CSMD3: variants seen among roughly 807,000 people sequenced by gnomAD.
CSMD3 encodes the protein CUB and Sushi multiple domains 3.
A neutral mutation model predicts 435.2 loss-of-function variants in CSMD3; 177 were observed. That is an observed-to-expected ratio of 0.41 (90% CI 0.36 to 0.46). The LOEUF is 0.46. Among genes scored for constraint, CSMD3 ranks in the 20% least tolerant of loss-of-function variants. CSMD3 has a pLI of 0.34. For synonymous variants in CSMD3, 1,656 were observed against 1,520.5 expected, an observed-to-expected ratio of 1.09 and a Z score of -2.07; for missense variants, 4,265 against 4,504.6, an observed-to-expected ratio of 0.95 and a Z score of 1.52.
intron 13 of CSMD3, among the ~76,000 whole-genome samples, chr8:112,760,383 C>T (rs773773084): frequency 4.6e-5 from 7 of 152,086 alleles, no homozygotes; most frequent in Non-Finnish European, 1.0e-4. Context: ...TTTGTTGGGA[C>T]AACGTAAAAT....
At chr8:112,574,252 A>G (rs905353760) in intron 23 of CSMD3, among the ~76,000 whole-genome samples, 3 of 152,032 alleles carry the variant, frequency 2.0e-5, no homozygotes, top group African/African-American at 7.2e-5. Flanking sequence ...TGAAAGTATA[A>G]CTGCTTATTG....
intron 1 of CSMD3, among the ~76,000 whole-genome samples, chr8:113,418,995 G>A: frequency 6.6e-6 from 1 of 152,120 alleles, no homozygotes; most frequent in East Asian, 1.9e-4. Context: ...CAAGAGATTT[G>A]GGGCCATCGT....
At chr8:113,087,169 C>T (rs751699389) in intron 5 of CSMD3, among the ~76,000 whole-genome samples, 3 of 152,074 alleles carry the variant, frequency 2.0e-5, no homozygotes, top group African/African-American at 4.8e-5. Flanking sequence ...CTAAAGGACC[C>T]ACCACAAACC....
chr8:112,500,656 T>C (rs12155770), intron 30 of CSMD3, among the ~76,000 whole-genome samples: 2,099 of 152,310 alleles, frequency 0.014, 23 homozygotes, highest in Admixed American at 0.021. Context: ...GTTTTCCTTT[T>C]AATGAAAAGG....
chr8:113,291,293 T>C (rs766866502), intron 2 of CSMD3, among the ~76,000 whole-genome samples: 53 of 151,932 alleles, frequency 3.5e-4, no homozygotes, highest in Non-Finnish European at 6.6e-4. Context: ...TGTCAGCTAA[T>C]ATTATGGCAT....
rs1587880944 is a variant in CSMD3 at position 113,011,188 on chromosome 8, A to G, written c.1030+7879T>C. Among the ~76,000 whole-genome samples, 3 of 151,944 alleles carry G rather than the reference A, an allele frequency of 2.0e-5. No individual in the cohort carries two copies. In the South Asian group the frequency reaches 6.2e-4, roughly 31 times the overall value. On this transcript the variant is annotated intron_variant, in intron 6 of 70. Transcript: ENST00000297405. The stretch of plus-strand genomic sequence containing the variant: ...AAAGGAAATAATCAACATGACTCCT[A>G]AAATTATACTTTATTTCTAAAACCT...
intron 13 of CSMD3, among the ~76,000 whole-genome samples, chr8:112,745,284 T>A (rs906828445): frequency 2.0e-5 from 3 of 152,052 alleles, no homozygotes; most frequent in Non-Finnish European, 2.9e-5. Context: ...CTTGTGTAGT[T>A]CCTAGGTTTT....
intron 1 of CSMD3, among the ~76,000 whole-genome samples, chr8:113,358,884 A>T (rs921445650): frequency 1.3e-5 from 2 of 152,092 alleles, no homozygotes; most frequent in Non-Finnish European, 1.5e-5. Flanking sequence ...ATAGCAAAAT[A>T]AAAAGGCTAT....
intron 12 of CSMD3, among the ~76,000 whole-genome samples, chr8:112,823,432 T>G (rs951974664): frequency 3.3e-5 from 5 of 152,234 alleles, no homozygotes; most frequent in Non-Finnish European, 7.3e-5. Flanking sequence ...ATTTGAGATC[T>G]TTGTAGCTTT....
chr8:113,387,178 G>T (rs563291901), intron 1 of CSMD3, among the ~76,000 whole-genome samples: 27 of 151,840 alleles, frequency 1.8e-4, no homozygotes, highest in African/African-American at 6.3e-4. Flanking sequence ...TGGTTTCATT[G>T]TTAAGGATCC....
chr8:113,263,514 CATT>C (rs2093443673), intron 3 of CSMD3, among the ~76,000 whole-genome samples: 1 of 151,806 alleles, frequency 6.6e-6, no homozygotes, highest in African/African-American at 2.4e-5. Flanking sequence ...AATTTTACAT[CATT>C]GATTTCCCAT....
At chr8:112,415,902 C>T (rs1351093485) in intron 32 of CSMD3, among the ~76,000 whole-genome samples, 1 of 152,160 alleles carries the variant, frequency 6.6e-6, no homozygotes, top group African/African-American at 2.4e-5. Context: ...TTGCCAAATG[C>T]CTGTACCCCC....
At chr8:113,112,508 A>G (rs1481954171) in intron 4 of CSMD3, among the ~76,000 whole-genome samples, 3 of 140,978 alleles carry the variant, frequency 2.1e-5, no homozygotes, top group Non-Finnish European at 4.6e-5. Context: ...CACACTTGTG[A>G]GTGTCCTCAG....
intron 1 of CSMD3, among the ~76,000 whole-genome samples, chr8:113,387,111 T>C (rs868851629): frequency 2.0e-5 from 3 of 151,852 alleles, no homozygotes; most frequent in African/African-American, 4.8e-5. Flanking sequence ...AATGAAATGA[T>C]GGTTTAGATT....
chr8:112,384,545 T>A (rs1172942485), intron 36 of CSMD3, among the ~76,000 whole-genome samples: 2 of 152,226 alleles, frequency 1.3e-5, no homozygotes, highest in African/African-American at 4.8e-5. Flanking sequence ...AGGAAAGGAA[T>A]AACTTTATTA....
chr8:112,517,302 A>G (rs1433944807), intron 27 of CSMD3, 77 bp from the exon 28 acceptor site: 3 of 1,079,980 alleles, frequency 2.8e-6, no homozygotes, highest in Non-Finnish European at 4.1e-6. Context: ...GTTTTAGAAA[A>G]TTAATTTTTA....
At chr8:112,448,980 A>G (rs922339576) in intron 32 of CSMD3, among the ~76,000 whole-genome samples, 3 of 152,120 alleles carry the variant, frequency 2.0e-5, no homozygotes, top group Admixed American at 6.5e-5. Context: ...GAATGGATAC[A>G]TGTTGTTTTG....
chr8:112,493,555 A>C (rs1421266459), intron 30 of CSMD3, among the ~76,000 whole-genome samples: 1 of 152,084 alleles, frequency 6.6e-6, no homozygotes, highest in Non-Finnish European at 1.5e-5. Flanking sequence ...AAATAGCAAA[A>C]TCCAAACCAC....
At chr8:112,719,357 G>A (rs372169563) in intron 13 of CSMD3, among the ~76,000 whole-genome samples, 1 of 152,154 alleles carries the variant, frequency 6.6e-6, no homozygotes, top group African/African-American at 2.4e-5. Context: ...ACACTGCTCA[G>A]CTTATGCTGC....
Sources: allele counts gnomAD v4.1 joint callset (sites outside exome capture counted in the v4.1 genomes callset), GRCh38; gene constraint gnomAD v4.1.1; transcripts MANE v1.5; gene names NCBI Gene and HGNC (gene_info 2026-07-23, HGNC 2026-07-21).